The following GNAQ variants were observed in gnomAD, a reference collection of about 807,000 sequenced individuals.
GNAQ encodes G protein subunit alpha q, also known as guanine nucleotide-binding protein G(q) subunit alpha.
A neutral mutation model predicts 43.9 loss-of-function variants in GNAQ; 8 were observed. The ratio of observed to expected loss-of-function variants is 0.18; its 90% confidence interval spans 0.11 to 0.33. The LOEUF (loss-of-function observed/expected upper bound fraction) is 0.33, where lower values mean the gene tolerates loss of function less well. Ranked by LOEUF, GNAQ falls within the 10% of genes least tolerant of loss-of-function variation. The pLI is 1.00. For synonymous variants in GNAQ, 155 were observed against 170.7 expected, an observed-to-expected ratio of 0.91 and a Z score of 0.71; for missense variants, 158 against 450.8, an observed-to-expected ratio of 0.35 and a Z score of 5.88.
intron 2 of GNAQ, among the ~76,000 whole-genome samples, chr9:77,871,884 T>G (rs895486248): frequency 6.6e-6 from 1 of 152,186 alleles, no homozygotes; most frequent in South Asian, 2.1e-4. Flanking sequence ...GGGAGAGGTA[T>G]GGTTTCATAA....
chr9:77,771,417 T>A (rs187338696), intron 5 of GNAQ, among the ~76,000 whole-genome samples: 2 of 152,124 alleles, frequency 1.3e-5, no homozygotes, highest in African/African-American at 4.8e-5. Flanking sequence ...AAGAGCACGT[T>A]TAGTGTCATT....
chr9:77,962,819 G>GA (rs1823121880), intron 1 of GNAQ, among the ~76,000 whole-genome samples: 1 of 150,048 alleles, frequency 6.7e-6, no homozygotes, highest in South Asian at 2.1e-4. Context: ...TTGAACCCGG[G>GA]AGGCAGAGGT....
At chr9:77,889,720 C>T (rs1828370602) in intron 2 of GNAQ, among the ~76,000 whole-genome samples, 1 of 152,070 alleles carries the variant, frequency 6.6e-6, no homozygotes, top group Non-Finnish European at 1.5e-5. Context: ...CTAATGAGTC[C>T]TGCCCACTGT....
intron 1 of GNAQ, among the ~76,000 whole-genome samples, chr9:77,959,911 AG>A (rs1337443671): frequency 5.9e-5 from 9 of 152,350 alleles, no homozygotes; most frequent in Non-Finnish European, 4.4e-5. Context: ...CCCATGCGTC[AG>A]CCCCTTGGAT....
intron 5 of GNAQ, among the ~76,000 whole-genome samples, chr9:77,730,179 G>A (rs566436122): frequency 6.6e-6 from 1 of 152,244 alleles, no homozygotes; most frequent in East Asian, 1.9e-4. Flanking sequence ...CAACTAGTTG[G>A]GGCTGTACTT....
rs112470795 is a variant in GNAQ at position 77,757,380 on chromosome 9, A to C, written c.736-28713T>G. Among the ~76,000 whole-genome samples, 878 of 152,290 alleles carry C rather than the reference A, an allele frequency of 5.8e-3. 2 individuals are homozygous for C. Among genetic ancestry groups the C allele is most frequent in the African/African-American group, 0.02 (828 of 41,546 alleles). On this transcript the variant is annotated intron_variant, in intron 5 of 6. Transcript: ENST00000286548. ...TTCACCAGATCTGCAAATAATCATT[A>C]ACTTTCTACTAGCTTAAAAATCTCC...
chr9:78,009,116 G>A (rs1823743374), intron 1 of GNAQ, among the ~76,000 whole-genome samples: 1 of 152,146 alleles, frequency 6.6e-6, no homozygotes. Flanking sequence ...AATGAAGTTT[G>A]CTTTTCCTAA....
chr9:77,827,383 TA>T (rs5898562), intron 2 of GNAQ, among the ~76,000 whole-genome samples: 66,997 of 128,926 alleles, frequency 0.52, 16,904 homozygotes, highest in Middle Eastern at 0.67. Context: ...TTTAAATAAC[TA>T]AAAAAAAAAA....
intron 2 of GNAQ, among the ~76,000 whole-genome samples, chr9:77,861,468 T>C (rs1219426686): frequency 6.6e-6 from 1 of 152,162 alleles, no homozygotes; most frequent in African/African-American, 2.4e-5. Flanking sequence ...CAAAGTCTCA[T>C]CTGAGAGAAG....
chr9:78,004,983 T>A (rs1315418751), intron 1 of GNAQ, among the ~76,000 whole-genome samples: 3 of 152,110 alleles, frequency 2.0e-5, no homozygotes, highest in Non-Finnish European at 4.4e-5. Flanking sequence ...GACTGACAGA[T>A]AAACATATCT....
intron 1 of GNAQ, among the ~76,000 whole-genome samples, chr9:77,952,022 T>G (rs957006227): frequency 1.3e-5 from 2 of 152,210 alleles, no homozygotes; most frequent in Non-Finnish European, 1.5e-5. Context: ...GGCATTCTGA[T>G]GACCAGCAGG....
rs11145586 is a variant in GNAQ at position 77,855,028 on chromosome 9, T to C, written c.322-39258A>G. ...TATTTTACTGGTTACAACTGTCTCTTACCCCAGAAATGACGTCAGTGGCAA... is the reference window on the plus strand; with the variant it reads ...TATTTTACTGGTTACAACTGTCTCTCACCCCAGAAATGACGTCAGTGGCAA... On this transcript the variant is annotated intron_variant, in intron 2 of 6. Coordinates refer to ENST00000286548, the MANE Select transcript of GNAQ (RefSeq NM_002072.5). Among the ~76,000 whole-genome samples the C allele has an allele frequency of 3.6e-3, 543 of 152,310 alleles. 6 individuals are homozygous for C. The highest frequency in any genetic ancestry group is 6.2e-3 in the Non-Finnish European group (419 of 68,030).
intron 1 of GNAQ, among the ~76,000 whole-genome samples, chr9:77,955,163 G>A (rs1330351745): frequency 2.0e-5 from 3 of 152,308 alleles, no homozygotes; most frequent in Non-Finnish European, 4.4e-5. Flanking sequence ...GTTTTTTTGA[G>A]ATGGAGTCTC....
At chr9:77,986,302 T>C (rs1181713631) in intron 1 of GNAQ, among the ~76,000 whole-genome samples, 1 of 152,234 alleles carries the variant, frequency 6.6e-6, no homozygotes, top group Non-Finnish European at 1.5e-5. Context: ...CTTACTGAGC[T>C]TCACAGTATT....
At chr9:78,023,214 G>T (rs1201997799) in intron 1 of GNAQ, among the ~76,000 whole-genome samples, 1 of 152,150 alleles carries the variant, frequency 6.6e-6, no homozygotes, top group East Asian at 1.9e-4. Flanking sequence ...TTGCTTTACG[G>T]ACCAGAGTAA....
At chr9:77,751,454 A>G (rs1296778764) in intron 5 of GNAQ, among the ~76,000 whole-genome samples, 1 of 152,208 alleles carries the variant, frequency 6.6e-6, no homozygotes, top group African/African-American at 2.4e-5. Flanking sequence ...TGTAATTTTC[A>G]CGTAATAAAT....
intron 1 of GNAQ, 97 bp downstream of exon 1, chr9:78,031,003 C>A: frequency 1.1e-6 from 1 of 912,290 alleles, no homozygotes. Flanking sequence ...GAACCGCGGG[C>A]GCCGGGGGGC....
chr9:77,875,561 C>T (rs892507828), intron 2 of GNAQ, among the ~76,000 whole-genome samples: 3 of 152,160 alleles, frequency 2.0e-5, no homozygotes, highest in African/African-American at 7.2e-5. Flanking sequence ...GGGAAAAACA[C>T]CTTGGGAATG....
At chr9:77,773,340 C>T (rs1826255974) in intron 5 of GNAQ, among the ~76,000 whole-genome samples, 1 of 152,160 alleles carries the variant, frequency 6.6e-6, no homozygotes, top group Non-Finnish European at 1.5e-5. Context: ...TAACTTAGCA[C>T]CAACAGTAAT....
Sources: allele counts gnomAD v4.1 joint callset (sites outside exome capture counted in the v4.1 genomes callset), GRCh38; gene constraint gnomAD v4.1.1; transcripts MANE v1.5; gene names NCBI Gene and HGNC (gene_info 2026-07-23, HGNC 2026-07-21).